The following SRRT variants were observed in gnomAD, a reference collection of about 807,000 sequenced individuals.
The protein encoded by SRRT is serrate, RNA effector molecule.
Under a neutral mutation model 103.2 loss-of-function variants are expected in SRRT, and 32 were observed. The ratio of observed to expected loss-of-function variants is 0.31; its 90% CI spans 0.23 to 0.42. The LOEUF is 0.42. Among genes scored for constraint, SRRT ranks in the 10% least tolerant of loss-of-function variants. The probability of loss-of-function intolerance (pLI) is 1.00; values close to 1 mark genes in which losing one functional copy is unlikely to be tolerated. For synonymous variants in SRRT, 525 were observed against 449.0 expected (o/e 1.17, Z -2.14); for missense variants, 986 against 1,207.5 (o/e 0.82, Z 2.72).
chr7:100,886,744 ACCT>A (rs1477867672), intron 13 of SRRT, 48 bp from the exon 14 acceptor site: 1 of 1,597,720 alleles, frequency 6.3e-7, no homozygotes, highest in East Asian at 2.2e-5. Context: ...GTCTCAGGTT[ACCT>A]CCTCTGAAGG....
At position 100,886,892 on chromosome 7, in the gene SRRT, G is replaced by C; in HGVS notation, c.1745G>C (p.Gly582Ala). ...GAGGAGCTGCTGGGGAGCAGCGGGG[G>C]CGCTCCTCCTGAGGAGCCTCCTAAG... ...EEEELLGSSG[G>A]APPEEPPKEG... The change falls in exon 14 of 20, where the codon GGC (glycine) becomes GCC (alanine). Residue 582 changes from glycine to alanine, a missense_variant. Gly to Ala is a moderately conservative substitution (Grantham distance 60). Transcript: ENST00000611405. The C allele has an allele frequency of 2.5e-6, 4 of 1,614,110 alleles. No homozygotes were observed. Among genetic ancestry groups the C allele is most frequent in the Non-Finnish European group, 3.4e-6 (4 of 1,179,992 alleles).
In SRRT at chr7:100,888,554, T is replaced by TC. The variant is rs776064999; in HGVS notation, c.*10dup. On this transcript the variant is annotated 3_prime_UTR_variant, in exon 20 of 20. Coordinates refer to ENST00000611405, the MANE Select transcript of SRRT (RefSeq NM_015908.6). ...GACGATGTTGATTTCTTTTGAGCCG[T>TC]CCCCCGTTCCTCAGTCCTGTATCAT... 6.2e-7 allele frequency: 1 copy of TC among 1,613,996 alleles called. No homozygotes were observed. The highest frequency in any genetic ancestry group is 1.1e-5 in the South Asian group (1 of 91,070).
Position 100,887,166 on chromosome 7 carries a change from G to T in SRRT, c.1941G>T (p.Gly647=), listed in dbSNP as rs1288956653. Residue 647 remains glycine (G), a synonymous_variant, in exon 15 of 20, where the codon GGG becomes GGT. Transcript: ENST00000611405. The surrounding 1 kb of genome is among the most constrained non-coding windows in gnomAD (Gnocchi z 4.1). Reference sequence around the variant, plus strand: ...GCTGTGGGATCATCCACGTTCGGGGGCCCATGCCACCCAACCGCATCAGTC... The same window carrying T: ...GCTGTGGGATCATCCACGTTCGGGGTCCCATGCCACCCAACCGCATCAGTC... The part of the protein sequence containing the change: ...PNRCGIIHVR[G]PMPPNRISHG... 1.7e-5 allele frequency: 27 copies of T among 1,614,160 alleles called. No individual in the cohort carries two copies. The highest frequency in any genetic ancestry group is 2.2e-5 in the Non-Finnish European group (26 of 1,180,028).
At position 100,884,946 on chromosome 7, in the gene SRRT, G is replaced by A; in HGVS notation, c.1065G>A (p.Lys355=). ...AGAGTAGCAAGAAGCGGAACCGGAA[G>A]CACAGTGGTGACGACAGCTTTGACG... ...AKKSSKKRNR[K]HSGDDSFDEG... Residue 355 remains lysine (K), a synonymous_variant, in exon 9 of 20, where the codon AAG becomes AAA. Transcript: ENST00000611405. 1 of 1,614,116 alleles carries A rather than the reference G, an allele frequency of 6.2e-7. No homozygotes were observed. The highest frequency in any genetic ancestry group is 2.2e-5 in the East Asian group (1 of 44,876).
rs545806017 is a variant in SRRT at position 100,886,501 on chromosome 7, A to G, written c.1647+66A>G. On this transcript the variant is annotated intron_variant, in intron 13 of 19. Transcript: ENST00000611405. ...AGTGCCTCTGCTGTGGGCACCTCTGACCTTACCTATCTGTAGCCTTGAACC... is the reference window on the plus strand; with the variant it reads ...AGTGCCTCTGCTGTGGGCACCTCTGGCCTTACCTATCTGTAGCCTTGAACC... 20 of 1,481,030 alleles carry G rather than the reference A, an allele frequency of 1.4e-5. No individual in the cohort carries two copies. In the East Asian group the frequency reaches 1.7e-4, roughly 13 times the overall value. The allele number at this position is 1,481,030 out of a possible 1,614,324, so 91.7% of individuals were successfully genotyped here.
chr7:100,888,364 C>T lies in SRRT; in HGVS notation c.2536C>T (p.Pro846Ser), dbSNP rs1790387730. Reference sequence around the variant, plus strand: ...TGCCTTCCGAGGCCAGGGAGGTTATCCTGGGAAACCTCGCAACAGGTGAGG... The same window carrying T: ...TGCCTTCCGAGGCCAGGGAGGTTATTCTGGGAAACCTCGCAACAGGTGAGG... ...YDAFRGQGGY[P>S]GKPRNRMVRG... Residue 846 changes from proline to serine, a missense_variant, in exon 19 of 20, where the codon CCT (proline) becomes TCT (serine). Around this residue, in one of 6 missense-constraint regions of SRRT, gnomAD observed 178 missense variants for 189.6 expected, o/e 0.94. Coordinates refer to ENST00000611405, the MANE Select transcript of SRRT (RefSeq NM_015908.6). 1.2e-6 allele frequency: 2 copies of T among 1,613,860 alleles called. No homozygotes were observed. Among genetic ancestry groups the T allele is most frequent in the East Asian group, 2.2e-5 (1 of 44,898 alleles).
At position 100,882,122 on chromosome 7, in the gene SRRT, C is replaced by T. The variant is rs768476790; in HGVS notation, c.468C>T (p.Leu156=). The change falls in exon 5 of 20, where the codon CTC becomes CTT. Residue 156 remains leucine, a synonymous_variant. Coordinates refer to ENST00000611405, the MANE Select transcript of SRRT (RefSeq NM_015908.6). This position sits in a 1 kb window ranked among gnomAD's most constrained non-coding sequence, Gnocchi z 4.2. ...TGATGAAGACCTTCAAGGAGTTTCT[C>T]CTCTCCCTGGATGACTCGGTGGATG... The part of the protein sequence containing the change: ...PPVMKTFKEF[L]LSLDDSVDET... 16 of 1,614,154 alleles carry T rather than the reference C, an allele frequency of 9.9e-6. No individual in the cohort carries two copies. Among genetic ancestry groups the T allele is most frequent in the South Asian group, 9.9e-5 (9 of 91,078 alleles).
Position 100,887,659 on chromosome 7 carries a change from A to G in SRRT, c.2170-44A>G. 1.9e-6 allele frequency: 3 copies of G among 1,589,358 alleles called. No individual in the cohort carries two copies. The highest frequency in any genetic ancestry group is 2.6e-6 in the Non-Finnish European group (3 of 1,162,624). ...TCCAGCTCGGGCCTGGGAGCGAGGCAACCCTTATGTGGCTGTCCTGACCCC... is the reference window on the plus strand; with the variant it reads ...TCCAGCTCGGGCCTGGGAGCGAGGCGACCCTTATGTGGCTGTCCTGACCCC... On this transcript the variant is annotated intron_variant, in intron 16 of 19. Coordinates refer to ENST00000611405, the MANE Select transcript of SRRT (RefSeq NM_015908.6). The surrounding 1 kb of genome is among the most constrained non-coding windows in gnomAD (Gnocchi z 4.1).
In SRRT at chr7:100,886,273, T is replaced by A. The variant is rs1302713285; in HGVS notation, c.1485T>A (p.Gly495=). Residue 495 remains glycine (G), a synonymous_variant, in exon 13 of 20, where the codon GGT becomes GGA. Coordinates refer to ENST00000611405, the MANE Select transcript of SRRT (RefSeq NM_015908.6). Reference sequence around the variant, plus strand: ...TCCGGGAGTGTGAGCTGAGCCCTGGTGTGAACAGGGACCTGACCCGGCGCG... The same window carrying A: ...TCCGGGAGTGTGAGCTGAGCCCTGGAGTGAACAGGGACCTGACCCGGCGCG... ...IRLRECELSP[G]VNRDLTRRVR... 1.2e-6 allele frequency: 2 copies of A among 1,612,578 alleles called. No homozygotes were observed. Among genetic ancestry groups the A allele is most frequent in the African/African-American group, 2.7e-5 (2 of 74,940 alleles).
At position 100,882,766 on chromosome 7, in the gene SRRT, G is replaced by A. The variant is rs1396518265; in HGVS notation, c.587+525G>A. ...TTTCTGCTCCTCCTCCTTGAAAAGA[G>A]CCAGAACTGGGAACTACACCCGCTC... On this transcript the variant is annotated intron_variant, in intron 5 of 19. Transcript: ENST00000611405. The surrounding 1 kb of genome is among the most constrained non-coding windows in gnomAD (Gnocchi z 4.2). 6.5e-6 allele frequency: 1 copy of A among 154,392 alleles called. No homozygotes were observed. The highest frequency in any genetic ancestry group is 1.4e-5 in the Non-Finnish European group (1 of 69,582). The allele number at this position is 154,392 out of a possible 1,614,324, so 9.6% of individuals were successfully genotyped here.
In SRRT at chr7:100,875,698, C is replaced by T. The variant is rs1815613914; in HGVS notation, c.108C>T (p.Asp36=). 1 of 1,613,916 alleles carries T rather than the reference C, an allele frequency of 6.2e-7. No individual in the cohort carries two copies. The highest frequency in any genetic ancestry group is 8.5e-7 in the Non-Finnish European group (1 of 1,179,854). Residue 36 remains aspartate, a synonymous_variant, in exon 2 of 20, where the codon GAC becomes GAT. Transcript: ENST00000611405. ...SRERDERRRG[D]DWNDREWDRG... ...AGAGAGATGAAAGACGTCGAGGGGACGATTGGAATGACAGGTGAGCCGTTT... is the reference window on the plus strand; with the variant it reads ...AGAGAGATGAAAGACGTCGAGGGGATGATTGGAATGACAGGTGAGCCGTTT...
Position 100,882,483 on chromosome 7 carries a change from G to A in SRRT, c.587+242G>A. Reference sequence around the variant, plus strand: ...AGAGTGGGACACCTCCAGGCAGCAGGCCAGAGCCACTTGGCCCCTTGGGGC... The same window carrying A: ...AGAGTGGGACACCTCCAGGCAGCAGACCAGAGCCACTTGGCCCCTTGGGGC... On this transcript the variant is annotated intron_variant, in intron 5 of 19. Transcript: ENST00000611405. This position sits in a 1 kb window ranked among gnomAD's most constrained non-coding sequence, Gnocchi z 4.2. 2.3e-6 allele frequency: 1 copy of A among 443,764 alleles called. No homozygotes were observed. Among genetic ancestry groups the A allele is most frequent in the East Asian group, 4.1e-5 (1 of 24,430 alleles). The allele number at this position is 443,764 out of a possible 1,614,324, so 27.5% of individuals were successfully genotyped here. A position where few individuals can be genotyped will look rare whatever the true frequency, so the allele number is the denominator to read the frequency against.
chr7:100,881,843 T>G, intron 4 of SRRT, 38 bp downstream of exon 4: 1 of 1,558,622 alleles, frequency 6.4e-7, no homozygotes, highest in Non-Finnish European at 8.6e-7. Flanking sequence ...TTGGTAGGCC[T>G]GGGGGATGGA....
In SRRT at chr7:100,882,392, C is replaced by A. The variant is rs1006087109; in HGVS notation, c.587+151C>A. The A allele has an allele frequency of 1.4e-5, 11 of 813,138 alleles. No homozygotes were observed. Among genetic ancestry groups the A allele is most frequent in the Non-Finnish European group, 1.9e-5 (10 of 529,982 alleles). 50.4% of individuals were successfully genotyped at this position (813,138 alleles called of 1,614,324 possible). On this transcript the variant is annotated intron_variant, in intron 5 of 19. Coordinates refer to ENST00000611405, the MANE Select transcript of SRRT (RefSeq NM_015908.6). This position sits in a 1 kb window ranked among gnomAD's most constrained non-coding sequence, Gnocchi z 4.2. ...GTATGACAGCATTGGCTGATGGGGT[C>A]TCCCCCTCACTTCAGCAACTGCCAC...
In SRRT at chr7:100,887,961, C is replaced by T; in HGVS notation, c.2327-81C>T. 6.5e-7 allele frequency: 1 copy of T among 1,536,254 alleles called. No homozygotes were observed. Among genetic ancestry groups the T allele is most frequent in the South Asian group, 1.2e-5 (1 of 80,178 alleles). On this transcript the variant is annotated intron_variant, in intron 17 of 19. Transcript: ENST00000611405. This position sits in a 1 kb window ranked among gnomAD's most constrained non-coding sequence, Gnocchi z 4.1. ...CACCCCGAGAAGTTTCTGCCCCATC[C>T]TCAGGCCATAGCCCTAGAAGTCAAT... is the stretch of plus-strand genomic sequence containing the variant.
At position 100,882,290 on chromosome 7, in the gene SRRT, C is replaced by T; in HGVS notation, c.587+49C>T. ...CCTCTGCCCTGGCATGTCCCCCTGG[C>T]CCCGCTGGTGGAGCCACAGCCCTGT... On this transcript the variant is annotated intron_variant, in intron 5 of 19. Transcript: ENST00000611405. This position sits in a 1 kb window ranked among gnomAD's most constrained non-coding sequence, Gnocchi z 4.2. The T allele has an allele frequency of 1.3e-6, 2 of 1,583,868 alleles. No homozygotes were observed. Among genetic ancestry groups the T allele is most frequent in the Non-Finnish European group, 1.7e-6 (2 of 1,160,338 alleles).
Position 100,884,254 on chromosome 7 carries a change from AGGGGTGGCAGGCATCTGGGCCCCATG to A in SRRT, c.757+23_757+48del, listed in dbSNP as rs1347392300. The A allele has an allele frequency of 6.2e-7, 1 of 1,613,698 alleles. No individual in the cohort carries two copies. The highest frequency in any genetic ancestry group is 1.3e-5 in the African/African-American group (1 of 74,800). On this transcript the variant is annotated intron_variant, in intron 6 of 19. Transcript: ENST00000611405. ...GCTGGATGCAGGTGTGCGGATTTGG[AGGGGTGGCAGGCATCTGGGCCCCATG>A]GGGGTGGGGGTGTCTGGGGATCAGG...
Position 100,887,354 on chromosome 7 carries a change from C to G in SRRT, c.2010C>G (p.Leu670=). ...GGCAGAAGACTTTTGAGGAGAAGCT[C>G]ACGCCGTTGCTGAGTGTGCGGGAGT... ...LEWQKTFEEK[L]TPLLSVRESL... Residue 670 remains leucine, a synonymous_variant, in exon 16 of 20, where the codon CTC becomes CTG. Transcript: ENST00000611405. The surrounding 1 kb of genome is among the most constrained non-coding windows in gnomAD (Gnocchi z 4.1). 6.2e-7 allele frequency: 1 copy of G among 1,614,146 alleles called. No individual in the cohort carries two copies. Among genetic ancestry groups the G allele is most frequent in the Admixed American group, 1.7e-5 (1 of 60,018 alleles).
In SRRT at chr7:100,885,216, A is replaced by T; in HGVS notation, c.1163A>T (p.Glu388Val). The T allele has an allele frequency of 6.2e-7, 1 of 1,613,488 alleles. No individual in the cohort carries two copies. The highest frequency in any genetic ancestry group is 8.5e-7 in the Non-Finnish European group (1 of 1,179,670). The change falls in exon 10 of 20, where the codon GAA becomes GTA. Residue 388 changes from glutamate to valine, a missense_variant. By Grantham distance (121) the Glu-to-Val change is moderately radical. Coordinates refer to ENST00000611405, the MANE Select transcript of SRRT (RefSeq NM_015908.6). The surrounding 1 kb of genome is among the most constrained non-coding windows in gnomAD (Gnocchi z 4.8). ...QAEEEKEEAE[E>V]ALKEKEKPKE... The stretch of plus-strand genomic sequence containing the variant: ...TCCTACCCCCCTTCCTGCCTAGAAG[A>T]AGCGCTCAAGGAGAAGGAGAAGCCC...
Sources: allele counts gnomAD v4.1 joint callset, GRCh38; gene constraint gnomAD v4.1.1; regional missense constraint gnomAD v4.1.1; non-coding constraint Gnocchi (gnomAD v3.1); transcripts MANE v1.5; gene names NCBI Gene and HGNC (gene_info 2026-07-23, HGNC 2026-07-21).